DOCK2: variants seen among roughly 807,000 people sequenced by gnomAD.
The protein encoded by DOCK2 is dedicator of cytokinesis protein 2.
DOCK2 carries 87 observed loss-of-function variants against 248.9 expected under a neutral mutation model. The observed-to-expected ratio is 0.35, with a 90% CI of 0.29 to 0.42. DOCK2 has a LOEUF of 0.42. DOCK2 is among the 10% of genes least tolerant of loss of function. DOCK2 has a pLI of 1.00. For missense variants in DOCK2, 1,747 were observed against 2,300.2 expected (o/e 0.76, Z 4.92); for synonymous variants, 805 against 821.6 (o/e 0.98, Z 0.35).
At chr5:170,049,084 G>A (rs1227582452) in intron 40 of DOCK2, among the ~76,000 whole-genome samples, 1 of 152,158 alleles carries the variant, frequency 6.6e-6, no homozygotes, top group Non-Finnish European at 1.5e-5. Context: ...ATCCCCTGGA[G>A]AACTTGTTAA....
intron 27 of DOCK2, among the ~76,000 whole-genome samples, chr5:169,858,680 T>G (rs1467613058): frequency 6.6e-6 from 1 of 152,130 alleles, no homozygotes; most frequent in Non-Finnish European, 1.5e-5. Flanking sequence ...AATGATTGCT[T>G]TGGCTGCTAT....
At chr5:170,037,579 C>T (rs577085464) in intron 36 of DOCK2, among the ~76,000 whole-genome samples, 26 of 151,632 alleles carry the variant, frequency 1.7e-4, no homozygotes, top group Admixed American at 3.9e-4. Context: ...CTCTGCCTCC[C>T]GGGTTCAAGT....
At chr5:169,854,847 A>G (rs541549962) in intron 27 of DOCK2, among the ~76,000 whole-genome samples, 1 of 152,348 alleles carries the variant, frequency 6.6e-6, no homozygotes, top group East Asian at 1.9e-4. Context: ...AGCATGAGAG[A>G]TTGACAAAAG....
chr5:169,928,119 G>C (rs993275254), intron 27 of DOCK2, among the ~76,000 whole-genome samples: 6 of 152,182 alleles, frequency 3.9e-5, no homozygotes, highest in African/African-American at 1.4e-4. Flanking sequence ...GGTTCCTTCA[G>C]GCCTTCCCAG....
At chr5:169,898,899 GC>G (rs1280396386) in intron 27 of DOCK2, among the ~76,000 whole-genome samples, 2 of 152,180 alleles carry the variant, frequency 1.3e-5, no homozygotes, top group Non-Finnish European at 2.9e-5. Flanking sequence ...ATGGAAATGA[GC>G]AACCACAGAG....
At chr5:169,844,416 TA>T (rs1473801613) in intron 27 of DOCK2, among the ~76,000 whole-genome samples, 1 of 152,234 alleles carries the variant, frequency 6.6e-6, no homozygotes, top group Non-Finnish European at 1.5e-5. Context: ...GATTCTCAGC[TA>T]CCCTCTGGGA....
chr5:170,080,335 C>T (rs1264186850), intron 50 of DOCK2, 52 bp downstream of exon 50: 1 of 1,605,280 alleles, frequency 6.2e-7, no homozygotes, highest in East Asian at 2.2e-5. Context: ...TGCAGGCCAC[C>T]AGCCTTGTGG....
At chr5:169,906,611 T>C (rs1034250881) in intron 27 of DOCK2, among the ~76,000 whole-genome samples, 7 of 152,142 alleles carry the variant, frequency 4.6e-5, no homozygotes, top group Non-Finnish European at 1.0e-4. Context: ...GGGTTACGGG[T>C]ATGAGCCACC....
intron 26 of DOCK2, among the ~76,000 whole-genome samples, chr5:169,810,981 TCTCTCTCTCACACACACACA>T (rs1561720785): frequency 7.0e-6 from 1 of 142,034 alleles, no homozygotes; most frequent in Non-Finnish European, 1.5e-5. Flanking sequence ...ACTCTCTCTC[TCTCTCTCTCACACACACACA>T]CACACACACA....
chr5:169,799,940 G>A (rs1766867274), intron 25 of DOCK2, among the ~76,000 whole-genome samples: 1 of 152,036 alleles, frequency 6.6e-6, no homozygotes, highest in Non-Finnish European at 1.5e-5. Context: ...GAGTAGCTGG[G>A]ACTACAGGCA....
chr5:170,061,574 A>C (rs1210126576), intron 44 of DOCK2, among the ~76,000 whole-genome samples: 1 of 152,220 alleles, frequency 6.6e-6, no homozygotes, highest in Non-Finnish European at 1.5e-5. Context: ...TTCACCAACT[A>C]TACAACCCCT....
chr5:169,840,532 ACTAGTGGAAT>A (rs2113332520), intron 26 of DOCK2, among the ~76,000 whole-genome samples: 1 of 152,216 alleles, frequency 6.6e-6, no homozygotes, highest in East Asian at 1.9e-4. Flanking sequence ...ATTTCAGGTG[ACTAGTGGAAT>A]TTTTTATGCC....
intron 27 of DOCK2, among the ~76,000 whole-genome samples, chr5:169,887,102 G>A (rs924267583): frequency 7.9e-5 from 12 of 152,162 alleles, no homozygotes; most frequent in Admixed American, 2.6e-4. Context: ...TGAAGCACAG[G>A]CTTCTCACCA....
intron 27 of DOCK2, among the ~76,000 whole-genome samples, chr5:169,949,486 G>A (rs929254960): frequency 1.3e-5 from 2 of 152,014 alleles, no homozygotes; most frequent in Admixed American, 6.5e-5. Context: ...TGAAAAGTGA[G>A]AAATAACTTG....
chr5:169,773,742 C>T (rs371573030), intron 25 of DOCK2, among the ~76,000 whole-genome samples: 127 of 152,262 alleles, frequency 8.3e-4, no homozygotes, highest in African/African-American at 2.7e-3. Flanking sequence ...ACCCAAATCT[C>T]ATCTTGAATT....
At chr5:169,637,939 C>T (rs1235161896) in intron 1 of DOCK2, among the ~76,000 whole-genome samples, 2 of 152,102 alleles carry the variant, frequency 1.3e-5, no homozygotes, top group African/African-American at 4.8e-5. Flanking sequence ...GGGAAAAAGG[C>T]TCCCGCCAGG....
rs1292113355 is a variant in DOCK2 at position 169,883,556 on chromosome 5, G to A, written c.2799+42704G>A. On this transcript the variant is annotated intron_variant, in intron 27 of 51. Coordinates refer to ENST00000520908, the MANE Select transcript of DOCK2 (RefSeq NM_004946.3). ...TCCACCAGGGACTTACTGGCTGTGA[G>A]TCTCTTCCTTTTGAAAACTGGGAAA... is the stretch of plus-strand genomic sequence containing the variant. 4.5e-6 allele frequency: 7 copies of A among 1,551,566 alleles called. No homozygotes were observed. In the African/African-American group the frequency reaches 9.6e-5, roughly 21 times the overall value.
intron 38 of DOCK2, 122 bp from the exon 39 acceptor site, chr5:170,045,693 TG>T: frequency 2.1e-6 from 2 of 935,022 alleles, no homozygotes; most frequent in South Asian, 1.4e-5. Flanking sequence ...GGGGTGGATC[TG>T]GGTCAGAGCA....
chr5:169,806,633 A>AT (rs1031463523), intron 26 of DOCK2, among the ~76,000 whole-genome samples: 1 of 152,244 alleles, frequency 6.6e-6, no homozygotes, highest in South Asian at 2.1e-4. Flanking sequence ...CCCTTCGCTT[A>AT]TTTTACATAA....
Sources: allele counts gnomAD v4.1 joint callset (sites outside exome capture counted in the v4.1 genomes callset), GRCh38; gene constraint gnomAD v4.1.1; transcripts MANE v1.5; gene names NCBI Gene and HGNC (gene_info 2026-07-23, HGNC 2026-07-21).